Variants in PTPN13 observed in about 807,000 individuals in gnomAD.
PTPN13 encodes the protein protein tyrosine phosphatase non-receptor type 13, also known as tyrosine-protein phosphatase non-receptor type 13.
In PTPN13, 191 loss-of-function variants were observed where a neutral mutation model predicts 284.0. The observed-to-expected ratio is 0.67, with a 90% CI of 0.60 to 0.76. The LOEUF is 0.76. Ranked by LOEUF, PTPN13 falls within the 30% of genes least tolerant of loss-of-function variation. The pLI, the probability that PTPN13 is intolerant of heterozygous loss-of-function variation, is 0.00. For missense variants in PTPN13, 2,797 were observed against 2,939.9 expected (o/e 0.95, Z 1.12); for synonymous variants, 986 against 1,022.3 (o/e 0.96, Z 0.68).
chr4:86,773,548 AAGTT>A (rs1740248160), intron 32 of PTPN13, among the ~76,000 whole-genome samples: 1 of 152,192 alleles, frequency 6.6e-6, no homozygotes, highest in Non-Finnish European at 1.5e-5. Context: ...CATTGATTGA[AAGTT>A]AGCCTTTTTA....
intron 2 of PTPN13, among the ~76,000 whole-genome samples, chr4:86,665,938 T>G (rs1458733496): frequency 1.3e-5 from 2 of 152,198 alleles, no homozygotes; most frequent in African/African-American, 4.8e-5. Flanking sequence ...ATAATAATAG[T>G]CACCACTTTT....
rs749342943 is a variant in PTPN13 at position 86,701,449 on chromosome 4, C to G, written c.843C>G (p.Gly281=). ...CCCCTTACCAGTTCAAAACTAGTGG[C>G]CCAGAAAAAAAACCCATCCCTGGCA... is the stretch of plus-strand genomic sequence containing the variant. The part of the protein sequence containing the change: ...TFSPYQFKTS[G]PEKKPIPGID... The change falls in exon 7 of 48, where the codon GGC becomes GGG. Residue 281 remains glycine, a synonymous_variant. Transcript: ENST00000411767. The G allele has an allele frequency of 4.3e-6, 7 of 1,613,660 alleles. No homozygotes were observed. In the South Asian group the frequency reaches 7.7e-5, roughly 18 times the overall value.
intron 28 of PTPN13, among the ~76,000 whole-genome samples, chr4:86,768,994 G>A (rs1337311225): frequency 2.0e-5 from 3 of 151,910 alleles, no homozygotes; most frequent in African/African-American, 7.3e-5. Context: ...ACAGGTGTGA[G>A]CCACCACACC....
chr4:86,798,824 T>A (rs1340042859), intron 41 of PTPN13, among the ~76,000 whole-genome samples: 1 of 152,210 alleles, frequency 6.6e-6, no homozygotes, highest in South Asian at 2.1e-4. Context: ...TGTTGAAGGA[T>A]AGAAATAAAA....
At chr4:86,651,085 G>A (rs1437553067) in intron 2 of PTPN13, among the ~76,000 whole-genome samples, 2 of 152,112 alleles carry the variant, frequency 1.3e-5, no homozygotes, top group African/African-American at 4.8e-5. Flanking sequence ...GTTGAGGTAT[G>A]TTCCTTCTAT....
chr4:86,672,724 T>C lies in PTPN13; in HGVS notation c.294+181T>C, dbSNP rs72870702. ...ATAGTTTTATAAAGATTTATGGATC[T>C]GAGAAATATATGAAAAAAATTAACC... On this transcript the variant is annotated intron_variant, in intron 3 of 47. Transcript: ENST00000411767. 1.3e-3 allele frequency among the ~76,000 whole-genome samples: 196 copies of C among 152,310 alleles called. 1 individual carries two copies. Among genetic ancestry groups the C allele is most frequent in the African/African-American group, 4.5e-3 (188 of 41,558 alleles).
intron 47 of PTPN13, among the ~76,000 whole-genome samples, chr4:86,812,267 GCCACTGCACTC>G (rs1745301802): frequency 1.6e-5 from 2 of 126,156 alleles, no homozygotes; most frequent in South Asian, 5.2e-4. Context: ...CCGAGATCCC[GCCACTGCACTC>G]CAGCCTGGGC....
At chr4:86,750,916 A>G (rs1737312364) in intron 18 of PTPN13, 29 bp downstream of exon 18, 3 of 1,590,728 alleles carry the variant, frequency 1.9e-6, no homozygotes, top group South Asian at 1.1e-5. Context: ...ACCCAATTAC[A>G]TATTTGTAAA....
intron 1 of PTPN13, among the ~76,000 whole-genome samples, chr4:86,601,005 A>G (rs764920584): frequency 1.3e-5 from 2 of 152,072 alleles, no homozygotes; most frequent in Non-Finnish European, 2.9e-5. Flanking sequence ...CATATTGATT[A>G]AATTCATTCT....
rs148465211 is a variant in PTPN13 at position 86,741,270 on chromosome 4, G to A, written c.2305-364G>A. Among the ~76,000 whole-genome samples, 1,007 of 152,262 alleles carry A rather than the reference G, an allele frequency of 6.6e-3. 10 individuals carry two copies. Among genetic ancestry groups the A allele is most frequent in the African/African-American group, 0.022 (907 of 41,532 alleles). ...CTGATAAAGACATACCTGAGACAGG[G>A]CAATTTGCAAAAGAGAGAGCTTTAA... On this transcript the variant is annotated intron_variant, in intron 15 of 47. Coordinates refer to ENST00000411767, the MANE Select transcript of PTPN13 (RefSeq NM_080683.3).
chr4:86,696,174 C>T (rs929915598), intron 6 of PTPN13, among the ~76,000 whole-genome samples: 1 of 151,828 alleles, frequency 6.6e-6, no homozygotes, highest in South Asian at 2.1e-4. Context: ...TACATATATA[C>T]GTATATTTGT....
At chr4:86,738,195 AAC>A (rs1378731152) in intron 15 of PTPN13, among the ~76,000 whole-genome samples, 2 of 152,090 alleles carry the variant, frequency 1.3e-5, no homozygotes, top group African/African-American at 4.8e-5. Context: ...TTTTTCTGTG[AAC>A]ACAGTTTTTA....
chr4:86,746,819 C>T (rs986702374), intron 17 of PTPN13, among the ~76,000 whole-genome samples: 27 of 152,022 alleles, frequency 1.8e-4, no homozygotes, highest in African/African-American at 3.4e-4. Flanking sequence ...TTAGTAGAGA[C>T]GGGGTTTCAC....
At chr4:86,711,809 G>A (rs1005325209) in intron 7 of PTPN13, among the ~76,000 whole-genome samples, 4 of 152,120 alleles carry the variant, frequency 2.6e-5, no homozygotes, top group Admixed American at 2.0e-4. Context: ...ACCTGTAATG[G>A]TGAAAGCTTA....
intron 35 of PTPN13, among the ~76,000 whole-genome samples, chr4:86,779,577 C>G (rs1309970133): frequency 3.3e-5 from 5 of 152,138 alleles, no homozygotes; most frequent in Non-Finnish European, 7.4e-5. Context: ...GAAGTTACCA[C>G]ATCCTTCATG....
At chr4:86,639,600 G>T (rs1466219499) in intron 2 of PTPN13, among the ~76,000 whole-genome samples, 2 of 147,800 alleles carry the variant, frequency 1.4e-5, no homozygotes, top group East Asian at 4.0e-4. Context: ...ACACCGCCAT[G>T]TTCTCTCTCA....
chr4:86,742,553 T>C (rs1187124065), intron 16 of PTPN13, among the ~76,000 whole-genome samples: 1 of 152,164 alleles, frequency 6.6e-6, no homozygotes, highest in Non-Finnish European at 1.5e-5. Context: ...CAAAACAGTA[T>C]TTATAAAGTT....
intron 23 of PTPN13, among the ~76,000 whole-genome samples, chr4:86,759,658 A>T (rs1044562018): frequency 2.0e-5 from 3 of 152,234 alleles, no homozygotes; most frequent in Admixed American, 1.3e-4. Context: ...GGAGGGTTGC[A>T]GAATCCAGGG....
intron 7 of PTPN13, among the ~76,000 whole-genome samples, chr4:86,709,896 C>T (rs1732190818): frequency 2.0e-5 from 3 of 152,138 alleles, no homozygotes; most frequent in South Asian, 4.1e-4. Flanking sequence ...CAGAGCACTT[C>T]TTCATATATC....
Sources: gnomAD v4.1 joint callset for allele counts (sites outside exome capture counted in the v4.1 genomes callset) on GRCh38, gnomAD v4.1.1 for gene constraint, MANE v1.5 for transcripts, NCBI Gene and HGNC (gene_info 2026-07-23, HGNC 2026-07-21) for gene names.